The following SCAF8 variants were observed in gnomAD, a reference collection of about 807,000 sequenced individuals.
SCAF8 encodes the protein SR-related and CTD-associated factor 8.
SCAF8 carries 23 observed loss-of-function variants against 140.5 expected under a neutral mutation model. The observed-to-expected ratio is 0.16, with a 90% confidence interval of 0.12 to 0.23. SCAF8 has a LOEUF of 0.23. Ranked by LOEUF, SCAF8 falls within the 10% of genes least tolerant of loss-of-function variation. SCAF8 has a pLI of 1.00. For synonymous variants in SCAF8, 575 were observed against 528.9 expected (o/e 1.09, Z -1.20); for missense variants, 1,397 against 1,555.7 (o/e 0.90, Z 1.72).
rs906214879 is a variant in SCAF8, at chr6:154,733,778, G to T, written c.-123G>T. 2.3e-5 allele frequency: 31 copies of T among 1,376,630 alleles called. No homozygotes were observed. The African/African-American group carries it at 4.4e-4, about 20-fold the overall frequency. The allele number at this position is 1,376,630 out of a possible 1,614,324, so 85.3% of individuals were successfully genotyped here. ...TCCACTCCGCCCCGAGGTCGCAGCGGCCCGCTCTCCCGCCAGCGCCCCCTC... is the reference window on the plus strand; with the variant it reads ...TCCACTCCGCCCCGAGGTCGCAGCGTCCCGCTCTCCCGCCAGCGCCCCCTC... On this transcript the variant is annotated 5_prime_UTR_variant, in exon 1 of 20. Transcript: ENST00000367178.
At chr6:154,819,831 A>T (rs751920474) in intron 14 of SCAF8, among the ~76,000 whole-genome samples, 15 of 152,128 alleles carry the variant, frequency 9.9e-5, no homozygotes, top group Non-Finnish European at 1.9e-4. Flanking sequence ...CTACTAAAAA[A>T]TACAAAAATT....
chr6:154,805,560 G>A, intron 9 of SCAF8, 74 bp downstream of exon 9: 2 of 704,408 alleles, frequency 2.8e-6, no homozygotes, highest in Non-Finnish European at 4.5e-6. Flanking sequence ...TTGTGGGTTG[G>A]CTTTTTTTTT....
At position 154,803,418 on chromosome 6, in the gene SCAF8, C is replaced by A. The variant is rs1021842575; in HGVS notation, c.784-126C>A. The A allele has an allele frequency of 1.7e-5, 12 of 704,506 alleles. No individual in the cohort carries two copies. In the African/African-American group the frequency reaches 2.2e-4, roughly 13 times the overall value. 43.6% of individuals were successfully genotyped at this position (704,506 alleles called of 1,614,324 possible). ...CACTTTATAATAGTATAAAGTGATA[C>A]AAAATGTTTATTTACACATTAAATG... On this transcript the variant is annotated intron_variant, in intron 7 of 19. Transcript: ENST00000367178.
chr6:154,831,836 A>G, intron 19 of SCAF8, 103 bp from the exon 20 acceptor site: 1 of 883,798 alleles, frequency 1.1e-6, no homozygotes, highest in Non-Finnish European at 1.7e-6. Flanking sequence ...TGTAGTAGCT[A>G]ATGTACCTTG....
At chr6:154,785,166 G>C (rs556734305) in intron 3 of SCAF8, among the ~76,000 whole-genome samples, 1 of 151,908 alleles carries the variant, frequency 6.6e-6, no homozygotes. Context: ...CATTCTTGTG[G>C]TGTGTAGCAG....
intron 10 of SCAF8, 36 bp from the exon 11 acceptor site, chr6:154,808,649 GC>G: frequency 9.2e-7 from 1 of 1,081,540 alleles, no homozygotes; most frequent in South Asian, 1.5e-5. Flanking sequence ...GTCTCAACCA[GC>G]CTTTCTGTTT....
intron 1 of SCAF8, among the ~76,000 whole-genome samples, chr6:154,755,967 G>A (rs919089757): frequency 7.2e-5 from 11 of 152,124 alleles, no homozygotes; most frequent in African/African-American, 1.4e-4. Flanking sequence ...GCCTGGAAGC[G>A]GAATCATAGC....
intron 18 of SCAF8, among the ~76,000 whole-genome samples, chr6:154,827,670 C>G (rs1356052097): frequency 1.3e-5 from 2 of 152,004 alleles, no homozygotes; most frequent in Non-Finnish European, 2.9e-5. Context: ...TTTGCATTTC[C>G]TGTAAAATGG....
rs770771945 is a variant in SCAF8 at position 154,774,051 on chromosome 6, G to A, written c.93G>A (p.Lys31=). The A allele has an allele frequency of 1.2e-6, 2 of 1,610,768 alleles. No homozygotes were observed. Among genetic ancestry groups the A allele is most frequent in the Admixed American group, 1.7e-5 (1 of 60,004 alleles). The part of the protein sequence containing the change: ...ISKAKMTQIT[K]AAIKAIKFYK... ...AAGCGAAAATGACCCAAATTACTAA[G>A]GCAGCCATCAAAGCTATTAAGGTGA... Residue 31 remains lysine, a synonymous_variant, in exon 2 of 20, where the codon AAG becomes AAA. Transcript: ENST00000367178.
rs371196051 is a variant in SCAF8 at position 154,801,963 on chromosome 6, C to A, written c.607-8C>A. ...CCTGTTTTGTAATATATATTTTTTT[C>A]TCTCCAGCTTCAACAATTAATACAA... On this transcript the variant is annotated splice_polypyrimidine_tract_variant and splice_region_variant and intron_variant, in intron 6 of 19. Coordinates refer to ENST00000367178, the MANE Select transcript of SCAF8 (RefSeq NM_014892.5). The A allele has an allele frequency of 2.6e-6, 4 of 1,547,188 alleles. No homozygotes were observed. The highest frequency in any genetic ancestry group is 2.1e-5 in the Admixed American group (1 of 46,804).
At chr6:154,733,992 C>A in intron 1 of SCAF8, 62 bp downstream of exon 1, 2 of 1,458,706 alleles carry the variant, frequency 1.4e-6, no homozygotes, top group Admixed American at 2.9e-5. Flanking sequence ...TGGTCGAGGC[C>A]GGGGCCCGGA....
intron 1 of SCAF8, among the ~76,000 whole-genome samples, chr6:154,748,209 G>T (rs1356572688): frequency 6.6e-6 from 1 of 152,024 alleles, no homozygotes; most frequent in East Asian, 1.9e-4. Context: ...TGCACTAATT[G>T]GCACAAACAA....
intron 3 of SCAF8, among the ~76,000 whole-genome samples, chr6:154,786,164 T>A (rs763576057): frequency 3.3e-5 from 5 of 152,194 alleles, no homozygotes; most frequent in Admixed American, 6.5e-5. Context: ...TCAGAGTTTT[T>A]AAAGATAATT....
chr6:154,831,819 G>T, intron 19 of SCAF8, 120 bp from the exon 20 acceptor site: 1 of 652,678 alleles, frequency 1.5e-6, no homozygotes, highest in Non-Finnish European at 2.4e-6. Flanking sequence ...AACTTAAAAA[G>T]ATGTCATGTA....
chr6:154,786,158 A>C (rs965073127), intron 3 of SCAF8, among the ~76,000 whole-genome samples: 9 of 152,134 alleles, frequency 5.9e-5, no homozygotes, highest in Non-Finnish European at 2.9e-5. Flanking sequence ...GTTGGATCAG[A>C]GTTTTTAAAG....
At chr6:154,779,594 T>C (rs1562441732) in intron 3 of SCAF8, among the ~76,000 whole-genome samples, 1 of 152,184 alleles carries the variant, frequency 6.6e-6, no homozygotes, top group Non-Finnish European at 1.5e-5. Context: ...ATAAAATGTG[T>C]CAGAATCTTA....
intron 3 of SCAF8, among the ~76,000 whole-genome samples, chr6:154,785,906 A>G (rs9397748): frequency 0.051 from 7,702 of 152,284 alleles, 553 homozygotes; most frequent in African/African-American, 0.16. Context: ...TTACTAGAAT[A>G]TAGTTGAAAA....
At chr6:154,808,000 T>C (rs1777971782) in intron 9 of SCAF8, 70 bp from the exon 10 acceptor site, 2 of 1,359,644 alleles carry the variant, frequency 1.5e-6, no homozygotes, top group African/African-American at 1.5e-5. Context: ...TGATGTTTGC[T>C]GTGTTTACAT....
rs779295768 is a variant in SCAF8 at position 154,832,861 on chromosome 6, G to C, written c.3282G>C (p.Gly1094=). Residue 1094 remains glycine, a synonymous_variant, in exon 20 of 20, where the codon GGG becomes GGC. Coordinates refer to ENST00000367178, the MANE Select transcript of SCAF8 (RefSeq NM_014892.5). ...GCTTTAATCCAGAGAAGCCCTGGGG[G>C]CATAGAGGAGATTTTGATGAGAGAG... ...HFGFNPEKPW[G]HRGDFDEREH... The C allele has an allele frequency of 6.2e-7, 1 of 1,613,938 alleles. No homozygotes were observed. Among genetic ancestry groups the C allele is most frequent in the Non-Finnish European group, 8.5e-7 (1 of 1,180,008 alleles).
Sources: gnomAD v4.1 joint callset for allele counts (sites outside exome capture counted in the v4.1 genomes callset) on GRCh38, gnomAD v4.1.1 for gene constraint, MANE v1.5 for transcripts, NCBI Gene and HGNC (gene_info 2026-07-23, HGNC 2026-07-21) for gene names.